The following IKZF3 variants were observed in gnomAD, a reference collection of about 807,000 sequenced individuals.
The protein encoded by IKZF3 is zinc finger protein Aiolos.
A neutral mutation model predicts 49.0 loss-of-function variants in IKZF3; 10 were observed. The observed-to-expected ratio is 0.20, with a 90% CI of 0.13 to 0.35. IKZF3 has a LOEUF of 0.35. Ranked by LOEUF, IKZF3 falls within the 10% of genes least tolerant of loss-of-function variation. The pLI is 1.00. For missense variants in IKZF3, 498 were observed against 664.8 expected, an observed-to-expected ratio of 0.75 and a Z score of 2.76; for synonymous variants, 209 against 228.2, an observed-to-expected ratio of 0.92 and a Z score of 0.76.
intron 3 of IKZF3, among the ~76,000 whole-genome samples, chr17:39,817,881 A>G (rs928550656): frequency 1.3e-5 from 2 of 152,228 alleles, no homozygotes; most frequent in Non-Finnish European, 2.9e-5. Context: ...CAAGACCTCC[A>G]GCGGATGTCT....
intron 1 of IKZF3, among the ~76,000 whole-genome samples, chr17:39,862,445 C>A (rs747583048): frequency 5.3e-5 from 8 of 151,932 alleles, no homozygotes; most frequent in Non-Finnish European, 1.2e-4. Context: ...AGATCAAAAC[C>A]ACAAGATGAT....
At chr17:39,834,973 A>G in intron 1 of IKZF3, 1 of 399,726 alleles carries the variant, frequency 2.5e-6, no homozygotes, top group South Asian at 2.0e-5. Context: ...TCACCTGGGC[A>G]GGACATCAGA....
At position 39,760,687 on chromosome 17, in the gene IKZF3, A is replaced by G. The variant is rs940102894; in HGVS notation, c.*5103T>C. Reference sequence around the variant, plus strand: ...TGGGGAGGTGGGGGTGGTACAGGAAATAGGAGAATAATAGTGATACAGATG... The same window carrying G: ...TGGGGAGGTGGGGGTGGTACAGGAAGTAGGAGAATAATAGTGATACAGATG... On this transcript the variant is annotated 3_prime_UTR_variant, in exon 8 of 8. Coordinates refer to ENST00000346872, the MANE Select transcript of IKZF3 (RefSeq NM_012481.5). 2.6e-5 allele frequency: 4 copies of G among 152,244 alleles called. No homozygotes were observed. The highest frequency in any genetic ancestry group is 9.6e-5 in the African/African-American group (4 of 41,452). The allele number at this position is 152,244 out of a possible 1,614,324, so 9.4% of individuals were successfully genotyped here.
chr17:39,788,603 TG>T (rs1241930937), intron 5 of IKZF3, among the ~76,000 whole-genome samples: 1 of 152,232 alleles, frequency 6.6e-6, no homozygotes, highest in African/African-American at 2.4e-5. Flanking sequence ...CTATCACAAA[TG>T]GAAGAATTTG....
In IKZF3 at chr17:39,777,625, A is replaced by G. The variant is rs762120479; in HGVS notation, c.826+26T>C. On this transcript the variant is annotated intron_variant, in intron 7 of 7. Transcript: ENST00000346872. ...TTCATTCAAACTATCTGCTAACAAC[A>G]GCAGGAAAAAGGTTTGTATTCTTAC... 37 of 1,507,072 alleles carry G rather than the reference A, an allele frequency of 2.5e-5. No individual in the cohort carries two copies. The East Asian group carries it at 5.6e-4, about 23-fold the overall frequency. The allele number at this position is 1,507,072 out of a possible 1,614,324, so 93.4% of individuals were successfully genotyped here. A position where few individuals can be genotyped will look rare whatever the true frequency, so the allele number is the denominator to read the frequency against.
At chr17:39,800,623 C>G (rs2061293678) in intron 3 of IKZF3, among the ~76,000 whole-genome samples, 1 of 152,100 alleles carries the variant, frequency 6.6e-6, no homozygotes, top group African/African-American at 2.4e-5. Context: ...TCTATGTTTT[C>G]AGGCCTCTTA....
rs1158992899 is a variant in IKZF3, at chr17:39,766,466, T to C, written c.854A>G (p.Asn285Ser). 3 of 1,612,704 alleles carry C rather than the reference T, an allele frequency of 1.9e-6. No individual in the cohort carries two copies. Among genetic ancestry groups the C allele is most frequent in the Non-Finnish European group, 8.5e-7 (1 of 1,179,662 alleles). Residue 285 changes from asparagine (N) to serine (S), a missense_variant, in exon 8 of 8, where the codon AAC becomes AGC. Transcript: ENST00000346872. ...CTCATACATGTAACTTGAATTATAG[T>C]TGACATCAAAGCAGTGGCGCTTCTC... ...IGEKRHCFDV[N>S]YNSSYMYEKE...
Position 39,864,279 on chromosome 17 carries a change from G to C in IKZF3, c.-153C>G. On this transcript the variant is annotated 5_prime_UTR_variant, in exon 1 of 8. Transcript: ENST00000346872. ...AGCCGCGTCGGCGCAGACTGAAAAG[G>C]GCAGGAGCCGGCGACCTGCCGGTGC... 1 of 789,876 alleles carries C rather than the reference G, an allele frequency of 1.3e-6. No homozygotes were observed. The highest frequency in any genetic ancestry group is 1.9e-6 in the Non-Finnish European group (1 of 513,706). The allele number at this position is 789,876 out of a possible 1,614,324, so 48.9% of individuals were successfully genotyped here.
chr17:39,858,508 T>TTTTG (rs893222031), intron 1 of IKZF3, among the ~76,000 whole-genome samples: 16 of 152,080 alleles, frequency 1.1e-4, no homozygotes, highest in Admixed American at 4.6e-4. Context: ...GTACCTAGTT[T>TTTTG]TTTGTTTGTT....
chr17:39,813,142 G>C (rs1199556580), intron 3 of IKZF3, among the ~76,000 whole-genome samples: 2 of 151,092 alleles, frequency 1.3e-5, no homozygotes, highest in Non-Finnish European at 3.0e-5. Context: ...TAAATAAAAA[G>C]AATGCAAAAA....
intron 3 of IKZF3, among the ~76,000 whole-genome samples, chr17:39,810,175 T>C (rs1427707891): frequency 1.3e-5 from 2 of 152,202 alleles, no homozygotes; most frequent in African/African-American, 2.4e-5. Flanking sequence ...CACCTCTGTG[T>C]TATATTTTGT....
intron 6 of IKZF3, chr17:39,778,276 G>T: frequency 2.8e-6 from 2 of 703,648 alleles, no homozygotes; most frequent in Non-Finnish European, 3.5e-6. Flanking sequence ...TTTGTGTATT[G>T]AAATTCTGAG....
chr17:39,808,319 TA>T, intron 3 of IKZF3, among the ~76,000 whole-genome samples: 1 of 152,216 alleles, frequency 6.6e-6, no homozygotes, highest in Non-Finnish European at 1.5e-5. Flanking sequence ...GGGCACCCGC[TA>T]CTTGACAGTA....
intron 3 of IKZF3, among the ~76,000 whole-genome samples, chr17:39,815,551 T>C (rs1466471819): frequency 6.6e-6 from 1 of 152,226 alleles, no homozygotes; most frequent in Non-Finnish European, 1.5e-5. Context: ...TATAAAATTG[T>C]TTTAACTCTT....
intron 3 of IKZF3, among the ~76,000 whole-genome samples, chr17:39,813,462 T>C (rs2061608218): frequency 6.6e-6 from 1 of 151,070 alleles, no homozygotes; most frequent in African/African-American, 2.4e-5. Context: ...CTGGGCAACA[T>C]AGCGAGACCC....
intron 1 of IKZF3, among the ~76,000 whole-genome samples, chr17:39,856,580 C>A (rs1016588197): frequency 1.3e-5 from 2 of 152,012 alleles, no homozygotes; most frequent in Admixed American, 6.6e-5. Flanking sequence ...CCAAGGCGGG[C>A]GGATCATCTG....
chr17:39,832,513 AT>A (rs552098657), intron 1 of IKZF3, among the ~76,000 whole-genome samples: 68 of 150,362 alleles, frequency 4.5e-4, no homozygotes, highest in Middle Eastern at 3.4e-3. Flanking sequence ...ATATGTACAT[AT>A]ATATGTACAT....
intron 3 of IKZF3, among the ~76,000 whole-genome samples, chr17:39,799,260 G>T (rs777252528): frequency 1.3e-5 from 2 of 152,056 alleles, no homozygotes; most frequent in Non-Finnish European, 2.9e-5. Context: ...TAAATTCCTG[G>T]TGTATGAATA....
At chr17:39,820,518 A>G (rs2061782565) in intron 3 of IKZF3, among the ~76,000 whole-genome samples, 1 of 152,180 alleles carries the variant, frequency 6.6e-6, no homozygotes, top group African/African-American at 2.4e-5. Flanking sequence ...GGTATAATAC[A>G]AAAACATATT....
Sources: allele counts gnomAD v4.1 joint callset (sites outside exome capture counted in the v4.1 genomes callset), GRCh38; gene constraint gnomAD v4.1.1; transcripts MANE v1.5; gene names NCBI Gene and HGNC (gene_info 2026-07-23, HGNC 2026-07-21).